The following PRDX3 variants were observed in gnomAD, a reference collection of about 807,000 sequenced individuals.
PRDX3 encodes the protein thioredoxin-dependent peroxide reductase, mitochondrial.
A neutral mutation model predicts 30.4 loss-of-function variants in PRDX3; 20 were observed. The ratio of observed to expected loss-of-function variants is 0.66; its 90% CI spans 0.46 to 0.96. The LOEUF (loss-of-function observed/expected upper bound fraction) is 0.96. PRDX3 is among the 40% of genes least tolerant of loss of function. The pLI, the probability that PRDX3 is intolerant of heterozygous loss-of-function variation, is 0.00. For missense variants in PRDX3, 322 were observed against 318.3 expected (o/e 1.01, Z -0.09); for synonymous variants, 124 against 117.8 (o/e 1.05, Z -0.34).
chr10:119,169,539 G>C, intron 5 of PRDX3, 197 bp from the exon 6 acceptor site: 2 of 514,292 alleles, frequency 3.9e-6, no homozygotes, highest in South Asian at 5.0e-5. Context: ...AACAAAGGCA[G>C]TACTGGACCA....
intron 4 of PRDX3, among the ~76,000 whole-genome samples, chr10:119,172,915 T>G (rs1362577599): frequency 6.6e-6 from 1 of 151,942 alleles, no homozygotes; most frequent in Non-Finnish European, 1.5e-5. Flanking sequence ...ACAGATGCTT[T>G]TTCTAATTCT....
chr10:119,171,238 C>G (rs1370508171), intron 5 of PRDX3, among the ~76,000 whole-genome samples: 1 of 152,082 alleles, frequency 6.6e-6, no homozygotes, highest in Non-Finnish European at 1.5e-5. Context: ...GACGGGGTTT[C>G]ACCATGTTGA....
At chr10:119,172,547 C>T (rs1564837501) in intron 4 of PRDX3, 62 bp from the exon 5 acceptor site, 2 of 1,370,598 alleles carry the variant, frequency 1.5e-6, no homozygotes, top group Admixed American at 1.7e-5. Context: ...TGACCACGTA[C>T]CACAATGTTT....
intron 5 of PRDX3, chr10:119,169,564 A>C: frequency 2.3e-6 from 1 of 437,446 alleles, no homozygotes. Flanking sequence ...ACCATAAAAC[A>C]TGCAGTATGG....
chr10:119,176,566 G>A (rs10749298), intron 2 of PRDX3, among the ~76,000 whole-genome samples: 149,941 of 152,296 alleles, frequency 0.98, 73,858 homozygotes, highest in East Asian at 1. Context: ...GCTAAATTTC[G>A]CTCAGATTAC....
At chr10:119,172,357 A>C in intron 5 of PRDX3, 25 bp downstream of exon 5, 8 of 1,536,646 alleles carry the variant, frequency 5.2e-6, no homozygotes, top group African/African-American at 1.4e-5. Context: ...AAATAATCTT[A>C]AGTTCATCAG....
At chr10:119,168,970 C>CA (rs34820945) in intron 6 of PRDX3, among the ~76,000 whole-genome samples, 3 of 133,564 alleles carry the variant, frequency 2.2e-5, no homozygotes, top group South Asian at 2.5e-4. Context: ...GACTCCGTCT[C>CA]AAAAAAAAAA....
chr10:119,174,523 C>G lies in PRDX3; in HGVS notation c.239G>C (p.Gly80Ala), dbSNP rs764930335. 6 of 1,612,944 alleles carry G rather than the reference C, an allele frequency of 3.7e-6. No individual in the cohort carries two copies. The African/African-American group carries it at 8.0e-5, about 22-fold the overall frequency. Residue 80 changes from glycine to alanine, a missense_variant, in exon 3 of 7, where the codon GGA (glycine) becomes GCA (alanine). Coordinates refer to ENST00000298510, the MANE Select transcript of PRDX3 (RefSeq NM_006793.5). ...ATCAAGGCTTAGGTCTTTGAACTCT[C>G]CATTGACAACGGCTGTACCCTTAAA... ...PYFKGTAVVN[G>A]EFKDLSLDDF...
chr10:119,177,247 T>G (rs1371691878), intron 1 of PRDX3, 94 bp from the exon 2 acceptor site: 1 of 1,358,160 alleles, frequency 7.4e-7, no homozygotes, highest in Non-Finnish European at 1.0e-6. Context: ...GCTGTCCCTG[T>G]TCCTGTGAAC....
intron 1 of PRDX3, among the ~76,000 whole-genome samples, chr10:119,178,335 T>C (rs1319416783): frequency 6.6e-6 from 1 of 152,180 alleles, no homozygotes; most frequent in Non-Finnish European, 1.5e-5. Context: ...TTTGTGAGTT[T>C]TTTAGCACTT....
rs1847923254 is a variant in PRDX3 at position 119,172,279 on chromosome 10, TG to T, written c.551+102del. On this transcript the variant is annotated intron_variant, in intron 5 of 6. Coordinates refer to ENST00000298510, the MANE Select transcript of PRDX3 (RefSeq NM_006793.5). Reference sequence around the variant, plus strand: ...GCCACCATGCCCAGCCAGGATCTTCTGGTTTTAAAAATGCTTTACCAAGGTC... The same window carrying T: ...GCCACCATGCCCAGCCAGGATCTTCTGTTTTAAAAATGCTTTACCAAGGTC... 4.9e-6 allele frequency: 5 copies of T among 1,019,674 alleles called. No homozygotes were observed. In the East Asian group the frequency reaches 1.2e-4, roughly 25 times the overall value. The allele number at this position is 1,019,674 out of a possible 1,614,324, so 63.2% of individuals were successfully genotyped here.
At chr10:119,176,439 G>C (rs1445231430) in intron 2 of PRDX3, among the ~76,000 whole-genome samples, 1 of 152,004 alleles carries the variant, frequency 6.6e-6, no homozygotes, top group Non-Finnish European at 1.5e-5. Flanking sequence ...ATTAAATACG[G>C]GCTTTTTCAA....
In PRDX3 at chr10:119,174,584, A is replaced by C; in HGVS notation, c.178T>G (p.Cys60Gly). Residue 60 changes from cysteine (C) to glycine (G), a missense_variant, in exon 3 of 7, where the codon TGC becomes GGC. Physicochemically the swap from Cys to Gly is radical, Grantham distance 159. Coordinates refer to ENST00000298510, the MANE Select transcript of PRDX3 (RefSeq NM_006793.5). ...QAKLFSTSSS[C>G]HAPAVTQHAP... Reference sequence around the variant, plus strand: ...TGCTGGGTGACAGCAGGTGCATGGCATGAGGAACCTGAAAAAAAACCCACA... The same window carrying C: ...TGCTGGGTGACAGCAGGTGCATGGCCTGAGGAACCTGAAAAAAAACCCACA... 6.3e-7 allele frequency: 1 copy of C among 1,587,266 alleles called. No individual in the cohort carries two copies. The highest frequency in any genetic ancestry group is 8.5e-7 in the Non-Finnish European group (1 of 1,172,524).
rs1162859439 is a variant in PRDX3 at position 119,178,797 on chromosome 10, T to G, written c.-7A>C. The G allele has an allele frequency of 6.5e-7, 1 of 1,548,714 alleles. No homozygotes were observed. The stretch of plus-strand genomic sequence containing the variant: ...GTCCTACAGCAGCCGCCATCTTCAG[T>G]GCACTCGGGCGCCACGGGGCGGGCA... On this transcript the variant is annotated 5_prime_UTR_variant, in exon 1 of 7. Transcript: ENST00000298510.
At chr10:119,169,452 C>A in intron 5 of PRDX3, 110 bp from the exon 6 acceptor site, 2 of 942,688 alleles carry the variant, frequency 2.1e-6, no homozygotes, top group Non-Finnish European at 3.1e-6. Context: ...ATTTATTAAG[C>A]GTAATCATAT....
chr10:119,173,653 C>G (rs1329483445), intron 4 of PRDX3, 84 bp downstream of exon 4: 1 of 1,427,062 alleles, frequency 7.0e-7, no homozygotes, highest in Non-Finnish European at 9.5e-7. Context: ...GTAATTTGAT[C>G]TTGATAGTCC....
chr10:119,169,361 TC>T lies in PRDX3; in HGVS notation c.552-20del. The T allele has an allele frequency of 1.2e-6, 2 of 1,608,454 alleles. No homozygotes were observed. Among genetic ancestry groups the T allele is most frequent in the Non-Finnish European group, 1.7e-6 (2 of 1,176,236 alleles). On this transcript the variant is annotated intron_variant, in intron 5 of 6. Transcript: ENST00000298510. ...GAGACCTCTGCATGATCATTTATCC[TC>T]ATCAGTGCCTCAACAGTACCAGAAC... is the stretch of plus-strand genomic sequence containing the variant.
In PRDX3 at chr10:119,172,800, G is replaced by A. The variant is rs536610318; in HGVS notation, c.448-315C>T. ...TTTTTTTTTTAAGACACAGAGTCTC[G>A]CTGTCACCAGGCTGGAATGCAGTGA... On this transcript the variant is annotated intron_variant, in intron 4 of 6. Transcript: ENST00000298510. Among the ~76,000 whole-genome samples, 6 of 152,020 alleles carry A rather than the reference G, an allele frequency of 3.9e-5. No homozygotes were observed. The South Asian group carries it at 8.3e-4, about 21-fold the overall frequency.
intron 2 of PRDX3, among the ~76,000 whole-genome samples, chr10:119,175,099 C>G (rs4752258): frequency 1 from 151,682 of 152,332 alleles, 75,522 homozygotes; most frequent in East Asian, 1. Flanking sequence ...TCAATTCCAA[C>G]TGCTACAGAA....
Sources: allele counts gnomAD v4.1 joint callset (sites outside exome capture counted in the v4.1 genomes callset), GRCh38; gene constraint gnomAD v4.1.1; transcripts MANE v1.5; gene names NCBI Gene and HGNC (gene_info 2026-07-23, HGNC 2026-07-21).